CDH22: variants seen among roughly 807,000 people sequenced by gnomAD.
CDH22 encodes the protein cadherin 22.
CDH22 carries 30 observed loss-of-function variants against 58.4 expected under a neutral mutation model. The ratio of observed to expected loss-of-function variants is 0.51; its 90% confidence interval spans 0.38 to 0.70. CDH22 has a LOEUF of 0.70. Among genes scored for constraint, CDH22 ranks in the 30% least tolerant of loss-of-function variants. The pLI is 0.00. For missense variants in CDH22, 1,014 were observed against 1,233.9 expected, an observed-to-expected ratio of 0.82 and a Z score of 2.67; for synonymous variants, 513 against 558.2, an observed-to-expected ratio of 0.92 and a Z score of 1.14.
intron 3 of CDH22, among the ~76,000 whole-genome samples, chr20:46,234,639 C>A (rs1485480468): frequency 6.6e-6 from 1 of 152,208 alleles, no homozygotes; most frequent in Non-Finnish European, 1.5e-5. Flanking sequence ...GCCCCAATCC[C>A]ATGGTCTGGC....
chr20:46,254,424 G>A (rs1328605931), intron 1 of CDH22, among the ~76,000 whole-genome samples: 7 of 151,792 alleles, frequency 4.6e-5, no homozygotes, highest in Non-Finnish European at 7.4e-5. Flanking sequence ...GCATGGTGGT[G>A]GGTGCCTGTA....
At chr20:46,211,098 G>A (rs2086040085) in intron 6 of CDH22, among the ~76,000 whole-genome samples, 1 of 152,202 alleles carries the variant, frequency 6.6e-6, no homozygotes, top group Non-Finnish European at 1.5e-5. Flanking sequence ...GATAAGCCGG[G>A]CTGCCTTAGA....
intron 1 of CDH22, among the ~76,000 whole-genome samples, chr20:46,287,349 G>A (rs1241001028): frequency 1.3e-5 from 2 of 152,140 alleles, no homozygotes; most frequent in African/African-American, 2.4e-5. Context: ...ATTAACTCAC[G>A]ACTTCATTAA....
intron 1 of CDH22, among the ~76,000 whole-genome samples, chr20:46,288,215 A>C (rs921855467): frequency 6.6e-6 from 1 of 152,076 alleles, no homozygotes; most frequent in Non-Finnish European, 1.5e-5. Flanking sequence ...GAATCACTCA[A>C]AGCCAGGCTC....
chr20:46,196,033 C>T (rs112371833), intron 8 of CDH22, among the ~76,000 whole-genome samples: 2,630 of 152,216 alleles, frequency 0.017, 83 homozygotes, highest in African/African-American at 0.061. Context: ...GCCAAATGGA[C>T]GCTTTGGCAG....
At chr20:46,305,961 C>T (rs939002871) in intron 1 of CDH22, among the ~76,000 whole-genome samples, 6 of 152,198 alleles carry the variant, frequency 3.9e-5, no homozygotes, top group Admixed American at 2.0e-4. Context: ...TTCCAGAGCA[C>T]GACCAGAAAC....
intron 1 of CDH22, among the ~76,000 whole-genome samples, chr20:46,287,677 T>C (rs1600727581): frequency 6.6e-6 from 1 of 151,824 alleles, no homozygotes; most frequent in East Asian, 1.9e-4. Flanking sequence ...GTGGGCCTTG[T>C]TAAATTTTAG....
chr20:46,189,176 T>C (rs1297690881), intron 8 of CDH22, among the ~76,000 whole-genome samples: 14 of 152,172 alleles, frequency 9.2e-5, no homozygotes, highest in Admixed American at 9.2e-4. Context: ...CCAGCTTCTC[T>C]CTGGAGTTCC....
At chr20:46,227,479 T>C (rs1190966361) in intron 4 of CDH22, 29 bp downstream of exon 4, 15 of 769,374 alleles carry the variant, frequency 1.9e-5, no homozygotes, top group Non-Finnish European at 2.2e-5. Flanking sequence ...GCCCCACGGC[T>C]CCGCCTCTGG....
chr20:46,174,621 C>G lies in CDH22; in HGVS notation c.2372G>C (p.Gly791Ala). The change falls in exon 12 of 12, where the codon GGC becomes GCC. Residue 791 changes from glycine (G) to alanine (A), a missense_variant. Gly to Ala is a moderately conservative substitution (Grantham distance 60). This residue lies in a region of CDH22 where 208 missense variants were observed against 195.2 expected (regional missense o/e 1.07). Transcript: ENST00000537909. The surrounding 1 kb of genome is among the most constrained non-coding windows in gnomAD (Gnocchi z 4.4). Reference sequence around the variant, plus strand: ...GAAGTCCTGCTCGGAGCCCGACGAGCCGCTGTGCAGGGAGCTGAGCGAGGC... The same window carrying G: ...GAAGTCCTGCTCGGAGCCCGACGAGGCGCTGTGCAGGGAGCTGAGCGAGGC... ...PAASLSSLHSGSSGSEQDFAY... is the reference protein window; with the variant it reads ...PAASLSSLHSASSGSEQDFAY... The G allele has an allele frequency of 4.5e-6, 7 of 1,545,672 alleles. No homozygotes were observed. The highest frequency in any genetic ancestry group is 6.1e-6 in the Non-Finnish European group (7 of 1,150,628).
At chr20:46,277,512 T>C (rs1287588336) in intron 1 of CDH22, among the ~76,000 whole-genome samples, 1 of 152,242 alleles carries the variant, frequency 6.6e-6, no homozygotes, top group East Asian at 1.9e-4. Flanking sequence ...CTATCGTTCT[T>C]TGTTTTAACT....
chr20:46,231,533 G>T (rs974193967), intron 3 of CDH22, among the ~76,000 whole-genome samples: 5 of 152,126 alleles, frequency 3.3e-5, no homozygotes, highest in African/African-American at 9.7e-5. Flanking sequence ...GTCACAGAGG[G>T]GCTCGATGAC....
At chr20:46,287,674 T>A (rs2086582333) in intron 1 of CDH22, among the ~76,000 whole-genome samples, 2 of 151,634 alleles carry the variant, frequency 1.3e-5, no homozygotes, top group Non-Finnish European at 2.9e-5. Context: ...CTCGTGGGCC[T>A]TGTTAAATTT....
At chr20:46,218,928 G>A (rs1050721643) in intron 4 of CDH22, among the ~76,000 whole-genome samples, 11 of 152,134 alleles carry the variant, frequency 7.2e-5, no homozygotes, top group East Asian at 5.8e-4. Context: ...GGGCCTGTGC[G>A]CCAGGTGGAG....
intron 1 of CDH22, among the ~76,000 whole-genome samples, chr20:46,287,476 A>ACAAACT (rs2086581454): frequency 6.6e-6 from 1 of 151,798 alleles, no homozygotes; most frequent in African/African-American, 2.4e-5. Flanking sequence ...CTCAGACTGG[A>ACAAACT]GTGTGGGGGT....
At chr20:46,298,005 CT>C (rs1389266743) in intron 1 of CDH22, among the ~76,000 whole-genome samples, 4 of 152,158 alleles carry the variant, frequency 2.6e-5, no homozygotes, top group Admixed American at 1.3e-4. Flanking sequence ...CTACTAACTC[CT>C]CCACAAATGT....
In CDH22 at chr20:46,174,186, C is replaced by A. The variant is rs561320436; in HGVS notation, c.*320G>T. The A allele has an allele frequency of 2.5e-4, 99 of 392,282 alleles. No individual in the cohort carries two copies. The highest frequency in any genetic ancestry group is 2.0e-3 in the African/African-American group (95 of 47,038). The allele number at this position is 392,282 out of a possible 1,614,324, so 24.3% of individuals were successfully genotyped here. The stretch of plus-strand genomic sequence containing the variant: ...GCTCCCTCCAGCATTCTCCCCCAGG[C>A]CAGGATTGAGTGACCCGCCCCTTCC... On this transcript the variant is annotated 3_prime_UTR_variant, in exon 12 of 12. Coordinates refer to ENST00000537909, the MANE Select transcript of CDH22 (RefSeq NM_021248.3). The surrounding 1 kb of genome is among the most constrained non-coding windows in gnomAD (Gnocchi z 4.4).
At position 46,210,268 on chromosome 20, in the gene CDH22, T is replaced by G. The variant is rs1237960053; in HGVS notation, c.1286+39A>C. The stretch of plus-strand genomic sequence containing the variant: ...TCTGTCCGCGGGGGTGATGGCGGGA[T>G]AGCAGGCAGCAGGCGTCGGCCCCGG... On this transcript the variant is annotated intron_variant, in intron 7 of 11. Coordinates refer to ENST00000537909, the MANE Select transcript of CDH22 (RefSeq NM_021248.3). The surrounding 1 kb of genome is among the most constrained non-coding windows in gnomAD (Gnocchi z 4.5). The G allele has an allele frequency of 1.5e-6, 2 of 1,370,788 alleles. No individual in the cohort carries two copies. The highest frequency in any genetic ancestry group is 3.3e-5 in the South Asian group (2 of 61,220). The allele number at this position is 1,370,788 out of a possible 1,614,324, so 84.9% of individuals were successfully genotyped here.
In CDH22 at chr20:46,229,842, C is replaced by A. The variant is rs558673480; in HGVS notation, c.551-2215G>T. Among the ~76,000 whole-genome samples the A allele has an allele frequency of 3.9e-5, 6 of 152,224 alleles. No individual in the cohort carries two copies. The South Asian group carries it at 1.0e-3, about 26-fold the overall frequency. ...TGAGAGAGGGTCTCCCTGTCACTCC[C>A]CTGGCAAGTCCCTCCCACTCCCTGG... On this transcript the variant is annotated intron_variant, in intron 3 of 11. Coordinates refer to ENST00000537909, the MANE Select transcript of CDH22 (RefSeq NM_021248.3).
Sources: allele counts gnomAD v4.1 joint callset (sites outside exome capture counted in the v4.1 genomes callset), GRCh38; gene constraint gnomAD v4.1.1; regional missense constraint gnomAD v4.1.1; non-coding constraint Gnocchi (gnomAD v3.1); transcripts MANE v1.5; gene names NCBI Gene and HGNC (gene_info 2026-07-23, HGNC 2026-07-21).